Variants in DLGAP2 observed in about 807,000 individuals in gnomAD.
DLGAP2 encodes DLG associated protein 2, also known as disks large-associated protein 2.
Under a neutral mutation model 100.3 loss-of-function variants are expected in DLGAP2, and 26 were observed. The ratio of observed to expected loss-of-function variants is 0.26; its 90% CI spans 0.19 to 0.36. The LOEUF is 0.36. Among genes scored for constraint, DLGAP2 ranks in the 10% least tolerant of loss-of-function variants. The probability of loss-of-function intolerance (pLI) is 1.00; values close to 1 mark genes in which losing one functional copy is unlikely to be tolerated. For missense variants in DLGAP2, 1,858 were observed against 1,453.2 expected (o/e 1.28, Z -4.53); for synonymous variants, 886 against 630.1 (o/e 1.41, Z -6.08).
chr8:1,307,344 AAAC>A (rs777258520), intron 3 of DLGAP2, among the ~76,000 whole-genome samples: 1 of 152,234 alleles, frequency 6.6e-6, no homozygotes, highest in Non-Finnish European at 1.5e-5. Flanking sequence ...GGTCATTGTA[AAAC>A]AACAACAATG....
intron 2 of DLGAP2, among the ~76,000 whole-genome samples, chr8:1,253,186 C>T (rs1041643529): frequency 2.1e-4 from 32 of 152,234 alleles, no homozygotes; most frequent in African/African-American, 5.5e-4. Context: ...TCCCCAGCAA[C>T]GCTGAGCTTG....
At chr8:1,372,621 G>A (rs751240498) in intron 3 of DLGAP2, among the ~76,000 whole-genome samples, 34 of 152,144 alleles carry the variant, frequency 2.2e-4, no homozygotes, top group Non-Finnish European at 3.2e-4. Flanking sequence ...ACTTTAAGCC[G>A]CTCTCCAGAG....
At chr8:1,242,919 G>T (rs1798829364) in intron 2 of DLGAP2, among the ~76,000 whole-genome samples, 1 of 112,826 alleles carries the variant, frequency 8.9e-6, no homozygotes, top group East Asian at 2.9e-4. Context: ...TGGATGGACA[G>T]ATAGACAGTG....
intron 2 of DLGAP2, chr8:1,032,819 A>G (rs1159415232): frequency 2.0e-5 from 3 of 152,206 alleles, no homozygotes; most frequent in Non-Finnish European, 4.4e-5. Context: ...CCGTGGCCCT[A>G]AGGAATGACA....
chr8:1,418,823 C>T (rs955655102), intron 3 of DLGAP2, among the ~76,000 whole-genome samples: 1 of 152,226 alleles, frequency 6.6e-6, no homozygotes, highest in Non-Finnish European at 1.5e-5. Flanking sequence ...AGGACGCAGC[C>T]CCGCAAGACC....
intron 1 of DLGAP2, among the ~76,000 whole-genome samples, chr8:850,379 C>G (rs1316499443): frequency 1.3e-5 from 2 of 152,064 alleles, no homozygotes; most frequent in Non-Finnish European, 2.9e-5. Context: ...GATTTCTGCA[C>G]TTTGTGCAGA....
chr8:740,090 GA>G (rs1820445229), intron 1 of DLGAP2: 5 of 152,320 alleles, frequency 3.3e-5, no homozygotes, highest in Admixed American at 3.3e-4. Context: ...GAGAGGCACA[GA>G]ATGGCTTCCT....
intron 3 of DLGAP2, among the ~76,000 whole-genome samples, chr8:1,419,506 T>C (rs1797033731): frequency 6.6e-6 from 1 of 151,592 alleles, no homozygotes; most frequent in Admixed American, 6.6e-5. Context: ...AAATGGTTAT[T>C]TTTGGTTGAC....
intron 8 of DLGAP2, among the ~76,000 whole-genome samples, chr8:1,633,768 T>G (rs531081567): frequency 6.6e-6 from 1 of 152,198 alleles, no homozygotes; most frequent in East Asian, 1.9e-4. Context: ...AAAAACATAG[T>G]GTTGGGGACT....
chr8:1,252,831 C>T (rs932852086), intron 2 of DLGAP2, among the ~76,000 whole-genome samples: 71 of 152,346 alleles, frequency 4.7e-4, no homozygotes, highest in African/African-American at 1.7e-3. Context: ...AGGATCCTGC[C>T]GTGTGCTCGG....
intron 1 of DLGAP2, among the ~76,000 whole-genome samples, chr8:849,848 T>G (rs1004664542): frequency 2.0e-5 from 3 of 152,036 alleles, no homozygotes; most frequent in African/African-American, 7.2e-5. Context: ...GAGGCCAAGG[T>G]GGGCCAGGAG....
At chr8:972,885 A>G (rs1800051504) in intron 2 of DLGAP2, among the ~76,000 whole-genome samples, 1 of 152,206 alleles carries the variant, frequency 6.6e-6, no homozygotes, top group Non-Finnish European at 1.5e-5. Flanking sequence ...CCCTTAATCC[A>G]TTTAACCCTG....
chr8:1,552,665 T>C (rs1166353137), intron 5 of DLGAP2, among the ~76,000 whole-genome samples: 3 of 152,198 alleles, frequency 2.0e-5, no homozygotes, highest in Non-Finnish European at 2.9e-5. Flanking sequence ...TGTCTGTGGG[T>C]CCTAGTGTAC....
intron 2 of DLGAP2, among the ~76,000 whole-genome samples, chr8:983,334 G>C (rs1016264887): frequency 6.7e-6 from 1 of 149,568 alleles, no homozygotes; most frequent in African/African-American, 2.4e-5. Context: ...GGAAGGTACA[G>C]GTCGTCGAGA....
chr8:1,428,258 A>G (rs1203869946), intron 3 of DLGAP2, among the ~76,000 whole-genome samples: 1 of 152,156 alleles, frequency 6.6e-6, no homozygotes, highest in Non-Finnish European at 1.5e-5. Flanking sequence ...TTGAAAAAAT[A>G]TAACACAATG....
chr8:766,195 A>G (rs1296893064), intron 1 of DLGAP2, among the ~76,000 whole-genome samples: 1 of 152,082 alleles, frequency 6.6e-6, no homozygotes. Context: ...AAACAAAACC[A>G]ATCCACACAA....
At chr8:1,504,229 C>T (rs894555565) in intron 4 of DLGAP2, among the ~76,000 whole-genome samples, 19 of 151,566 alleles carry the variant, frequency 1.3e-4, no homozygotes, top group Admixed American at 3.9e-4. Context: ...ATGGAAGAAA[C>T]GCTTCTTGTT....
intron 12 of DLGAP2, 97 bp from the exon 13 acceptor site, chr8:1,691,438 A>T: frequency 9.8e-7 from 1 of 1,021,728 alleles, no homozygotes; most frequent in Non-Finnish European, 1.5e-6. Flanking sequence ...TTTCATCTCC[A>T]GTGGGACTCG....
intron 3 of DLGAP2, among the ~76,000 whole-genome samples, chr8:1,370,418 C>A (rs1802209599): frequency 6.6e-6 from 1 of 152,194 alleles, no homozygotes; most frequent in Non-Finnish European, 1.5e-5. Context: ...TCTTACCATT[C>A]ATGCTTTCAA....
Sources: allele counts gnomAD v4.1 joint callset (sites outside exome capture counted in the v4.1 genomes callset), GRCh38; gene constraint gnomAD v4.1.1; transcripts MANE v1.5; gene names NCBI Gene and HGNC (gene_info 2026-07-23, HGNC 2026-07-21).